The following PRKN variants were observed in gnomAD, a reference collection of about 807,000 sequenced individuals.
PRKN encodes the protein parkin RBR E3 ubiquitin protein ligase.
In PRKN, 56 loss-of-function variants were observed where a neutral mutation model predicts 59.5. That is an observed-to-expected ratio of 0.94 (90% confidence interval 0.76 to 1.18). The LOEUF (loss-of-function observed/expected upper bound fraction) is 1.18, where lower values mean the gene tolerates loss of function less well. Ranked by LOEUF, PRKN falls within the 50% of genes most tolerant of loss-of-function variation. The pLI is 0.00. For synonymous variants in PRKN, 250 were observed against 222.1 expected (o/e 1.13, Z -1.12); for missense variants, 657 against 596.4 (o/e 1.10, Z -1.06).
chr6:161,954,644 T>C (rs1780105102), intron 6 of PRKN, among the ~76,000 whole-genome samples: 1 of 152,238 alleles, frequency 6.6e-6, no homozygotes. Context: ...AAGTATTCAT[T>C]TCCACTGTAA....
chr6:162,032,121 A>C (rs1783666959), intron 5 of PRKN, among the ~76,000 whole-genome samples: 1 of 152,200 alleles, frequency 6.6e-6, no homozygotes, highest in African/African-American at 2.4e-5. Context: ...TTTAGCCGAC[A>C]GCACAAGCAG....
At chr6:162,246,188 A>G (rs1222686121) in intron 3 of PRKN, among the ~76,000 whole-genome samples, 1 of 152,056 alleles carries the variant, frequency 6.6e-6, no homozygotes, top group Non-Finnish European at 1.5e-5. Context: ...CTCCTAATCC[A>G]ACTGTATTTG....
chr6:161,775,810 T>C (rs928332038), intron 7 of PRKN, among the ~76,000 whole-genome samples: 4 of 152,202 alleles, frequency 2.6e-5, no homozygotes, highest in Non-Finnish European at 5.9e-5. Context: ...AATATCTCTG[T>C]ATCTAAACAG....
At chr6:162,362,114 C>CATTTAT (rs1367827655) in intron 2 of PRKN, among the ~76,000 whole-genome samples, 1 of 152,134 alleles carries the variant, frequency 6.6e-6, no homozygotes, top group East Asian at 1.9e-4. Context: ...AGGGAAGTAT[C>CATTTAT]AAAAGGATAC....
intron 6 of PRKN, among the ~76,000 whole-genome samples, chr6:161,854,387 T>C (rs1259731275): frequency 1.3e-5 from 2 of 152,008 alleles, no homozygotes; most frequent in Non-Finnish European, 2.9e-5. Flanking sequence ...TGATGAAATG[T>C]TAGGCAGGAA....
At chr6:162,556,366 T>TGTGCGTGC (rs1554243443) in intron 1 of PRKN, among the ~76,000 whole-genome samples, 3 of 98,298 alleles carry the variant, frequency 3.1e-5, no homozygotes, top group East Asian at 7.1e-4. Flanking sequence ...TGTGTGTGTG[T>TGTGCGTGC]GTGTGTGTGT....
chr6:161,847,010 T>C (rs1402198946), intron 6 of PRKN, among the ~76,000 whole-genome samples: 3 of 152,112 alleles, frequency 2.0e-5, no homozygotes, highest in African/African-American at 4.8e-5. Context: ...CCAAAAGTCA[T>C]TTAAGATTTG....
At chr6:162,039,926 T>C (rs1043951905) in intron 5 of PRKN, among the ~76,000 whole-genome samples, 1 of 152,214 alleles carries the variant, frequency 6.6e-6, no homozygotes, top group Admixed American at 6.5e-5. Context: ...CCCCAAATGT[T>C]AGTGGATTAA....
At chr6:162,534,351 T>C (rs1228325491) in intron 1 of PRKN, among the ~76,000 whole-genome samples, 1 of 152,284 alleles carries the variant, frequency 6.6e-6, no homozygotes, top group South Asian at 2.1e-4. Context: ...CCATCTGCCA[T>C]GACCCTTTCA....
At chr6:162,366,426 T>C (rs1785441701) in intron 2 of PRKN, among the ~76,000 whole-genome samples, 3 of 152,182 alleles carry the variant, frequency 2.0e-5, no homozygotes, top group Admixed American at 2.0e-4. Flanking sequence ...AATGTATTAA[T>C]TGTCTTTTGC....
chr6:162,705,496 A>G (rs917382878), intron 1 of PRKN, among the ~76,000 whole-genome samples: 3 of 152,164 alleles, frequency 2.0e-5, no homozygotes, highest in African/African-American at 7.2e-5. Context: ...AGCAAACGAT[A>G]CCAGTCAAGG....
intron 1 of PRKN, among the ~76,000 whole-genome samples, chr6:162,644,753 T>A (rs1217673576): frequency 6.6e-6 from 1 of 152,158 alleles, no homozygotes; most frequent in East Asian, 1.9e-4. Context: ...ATTCTGTATG[T>A]GTGTATTTAA....
intron 9 of PRKN, among the ~76,000 whole-genome samples, chr6:161,434,202 G>A (rs1189031625): frequency 6.6e-6 from 1 of 152,170 alleles, no homozygotes; most frequent in African/African-American, 2.4e-5. Context: ...CATTCCAATA[G>A]TAAGCATTCT....
At chr6:161,938,146 T>G (rs1412113455) in intron 6 of PRKN, among the ~76,000 whole-genome samples, 2 of 152,188 alleles carry the variant, frequency 1.3e-5, no homozygotes, top group Non-Finnish European at 2.9e-5. Context: ...TTTCATCAGA[T>G]CTGACATTCT....
rs1378066685 is a variant in PRKN at position 161,725,250 on chromosome 6, A to G, written c.871+60522T>C. ...TGATTAAAAATTTTGTTTAATGCAA[A>G]CATTTAAATAATTCAACAAACCAGG... On this transcript the variant is annotated intron_variant, in intron 7 of 11. Coordinates refer to ENST00000366898, the MANE Select transcript of PRKN (RefSeq NM_004562.3). 2.0e-5 allele frequency among the ~76,000 whole-genome samples: 3 copies of G among 152,330 alleles called. No homozygotes were observed. The East Asian group carries it at 5.8e-4, about 29-fold the overall frequency.
chr6:161,951,423 C>T (rs1239950002), intron 6 of PRKN, among the ~76,000 whole-genome samples: 1 of 152,168 alleles, frequency 6.6e-6, no homozygotes, highest in African/African-American at 2.4e-5. Flanking sequence ...GGAAATTAGT[C>T]TTTGAAAGAA....
intron 7 of PRKN, among the ~76,000 whole-genome samples, chr6:161,573,797 A>AT (rs1554278446): frequency 4.9e-4 from 33 of 67,816 alleles, no homozygotes; most frequent in Admixed American, 1.9e-3. Flanking sequence ...TATATATATA[A>AT]AACTTCATTC....
At chr6:161,452,153 C>T (rs60551655) in intron 9 of PRKN, among the ~76,000 whole-genome samples, 10,200 of 151,846 alleles carry the variant, frequency 0.067, 495 homozygotes, top group African/African-American at 0.13. Flanking sequence ...GGTCTTTCAC[C>T]GTATTGGCTA....
At chr6:162,449,659 G>C (rs1790496839) in intron 1 of PRKN, among the ~76,000 whole-genome samples, 1 of 151,902 alleles carries the variant, frequency 6.6e-6, no homozygotes, top group Non-Finnish European at 1.5e-5. Context: ...CCATCCTCTA[G>C]TAGCTTGTTT....
Sources: allele counts gnomAD v4.1 joint callset (sites outside exome capture counted in the v4.1 genomes callset), GRCh38; gene constraint gnomAD v4.1.1; transcripts MANE v1.5; gene names NCBI Gene and HGNC (gene_info 2026-07-23, HGNC 2026-07-21).